The following PRSS23 variants were observed in gnomAD, a reference collection of about 807,000 sequenced individuals.
PRSS23 encodes protease, serine 23.
In PRSS23, 25 loss-of-function variants were observed where a neutral mutation model predicts 34.7. That is an observed-to-expected ratio of 0.72 (90% CI 0.53 to 1.01). The LOEUF (loss-of-function observed/expected upper bound fraction) is 1.01, where lower values mean the gene tolerates loss of function less well. PRSS23 is among the 50% of genes least tolerant of loss of function. The pLI is 0.00. For missense variants in PRSS23, 445 were observed against 475.6 expected, an observed-to-expected ratio of 0.94 and a Z score of 0.60; for synonymous variants, 176 against 186.6, an observed-to-expected ratio of 0.94 and a Z score of 0.46.
intron 2 of PRSS23, among the ~76,000 whole-genome samples, chr11:86,831,582 A>G (rs1948356178): frequency 6.6e-6 from 1 of 151,938 alleles, no homozygotes; most frequent in Non-Finnish European, 1.5e-5. Flanking sequence ...CTGTAATATT[A>G]TTCATAATAT....
At chr11:86,885,774 C>G in intron 2 of PRSS23, among the ~76,000 whole-genome samples, 1 of 152,212 alleles carries the variant, frequency 6.6e-6, no homozygotes, top group Admixed American at 6.5e-5. Context: ...TATAAATTCA[C>G]ACATCCTATC....
At chr11:86,824,383 A>ATAAATAAAATAAAT (rs1200369120) in intron 2 of PRSS23, among the ~76,000 whole-genome samples, 1 of 143,740 alleles carries the variant, frequency 7.0e-6, no homozygotes, top group Admixed American at 6.9e-5. Flanking sequence ...ATAAAATAAA[A>ATAAATAAAATAAAT]AAACAAAATG....
intron 2 of PRSS23, among the ~76,000 whole-genome samples, chr11:86,864,987 T>A (rs1445355650): frequency 6.6e-6 from 1 of 152,214 alleles, no homozygotes; most frequent in Non-Finnish European, 1.5e-5. Flanking sequence ...CATTTTGCCA[T>A]CTGAAAATGA....
At position 86,939,134 on chromosome 11, in the gene PRSS23, A is replaced by T. The variant is rs921417388; in HGVS notation, c.207-12082A>T. 15 of 392,418 alleles carry T rather than the reference A, an allele frequency of 3.8e-5. 1 individual carries two copies. In the Admixed American group the frequency reaches 4.7e-4, roughly 12 times the overall value. 24.3% of individuals were successfully genotyped at this position (392,418 alleles called of 1,614,324 possible). ...GAACATCGCCAGAAACACGTAAGGG[A>T]AACGTTTCCATGTCACTACTTCTCA... On this transcript the variant is annotated intron_variant, in intron 2 of 2. Transcript: ENST00000533902.
intron 2 of PRSS23, chr11:86,950,300 C>CGTGATTTAAGTGATTG: frequency 6.5e-6 from 1 of 152,806 alleles, no homozygotes; most frequent in South Asian, 2.1e-4. Flanking sequence ...TCTCATTTTC[C>CGTGATTTAAGTGATTG]TCTGAATTAA....
At chr11:86,811,809 A>G (rs1429785697), downstream of PRSS23, among the ~76,000 whole-genome samples, 1 of 152,150 alleles carries the variant, frequency 6.6e-6, no homozygotes, top group Non-Finnish European at 1.5e-5. Context: ...CTTGTTAAGA[A>G]TGACTAAGCC....
At chr11:86,952,165 G>T (rs368854863) in exon 3 of PRSS23, 1 of 1,612,166 alleles carries the variant, frequency 6.2e-7, no homozygotes, top group African/African-American at 1.3e-5. Context: ...CACAGTTCAG[G>T]CTCCTTTTCA....
At chr11:86,866,845 G>T (rs1412739405) in intron 2 of PRSS23, among the ~76,000 whole-genome samples, 2 of 149,430 alleles carry the variant, frequency 1.3e-5, no homozygotes, top group Non-Finnish European at 3.0e-5. Flanking sequence ...CTCTCACCAC[G>T]TGATCTCCAC....
chr11:86,891,346 C>G (rs140525621), intron 2 of PRSS23, among the ~76,000 whole-genome samples: 1 of 152,276 alleles, frequency 6.6e-6, no homozygotes, highest in African/African-American at 2.4e-5. Context: ...GTTTAAAGGT[C>G]CTGACTTAAA....
At chr11:86,934,285 T>C (rs1236169227) in intron 2 of PRSS23, 6 of 152,254 alleles carry the variant, frequency 3.9e-5, no homozygotes, top group Admixed American at 1.3e-4. Flanking sequence ...CTTGGATCGA[T>C]TCATTCTGAT....
chr11:86,885,388 T>C (rs1336933932), intron 2 of PRSS23, among the ~76,000 whole-genome samples: 1 of 152,264 alleles, frequency 6.6e-6, no homozygotes, highest in Non-Finnish European at 1.5e-5. Context: ...TATTCACTCC[T>C]ATGATGGTTA....
chr11:86,884,050 T>C (rs1479444375), intron 2 of PRSS23, among the ~76,000 whole-genome samples: 4 of 152,192 alleles, frequency 2.6e-5, no homozygotes, highest in African/African-American at 9.7e-5. Flanking sequence ...ATATCCCATA[T>C]CATTAATATT....
intron 2 of PRSS23, among the ~76,000 whole-genome samples, chr11:86,879,834 C>T (rs1590910007): frequency 7.9e-6 from 1 of 127,316 alleles, no homozygotes. Context: ...GGGGGTCAGC[C>T]CCCCGCCCGG....
intron 2 of PRSS23, among the ~76,000 whole-genome samples, chr11:86,890,730 T>C (rs1832237158): frequency 6.6e-6 from 1 of 152,220 alleles, no homozygotes; most frequent in African/African-American, 2.4e-5. Flanking sequence ...GAAAATGCTA[T>C]ATAAACTGCA....
At chr11:86,904,806 G>T (rs1948931678) in intron 2 of PRSS23, among the ~76,000 whole-genome samples, 1 of 151,952 alleles carries the variant, frequency 6.6e-6, no homozygotes, top group African/African-American at 2.4e-5. Flanking sequence ...CCAGAATCTT[G>T]GGAGTCTGAG....
At chr11:86,823,931 G>T (rs567272787) in intron 2 of PRSS23, among the ~76,000 whole-genome samples, 1 of 137,392 alleles carries the variant, frequency 7.3e-6, no homozygotes, top group Non-Finnish European at 1.5e-5. Context: ...GCGTGAACCC[G>T]GGAGGTGGAG....
rs1948250904 is a variant in PRSS23, at chr11:86,821,436, C to G, written c.-11-1941C>G. ...TTGCTCTTCAGAAGACATGCAGCAC[C>G]ATCAAGTATGTGTCTGGTATAGGCT... On this transcript the variant is annotated intron_variant, in intron 1 of 2. Coordinates refer to the PRSS23 transcript ENST00000533902. 4 of 1,559,224 alleles carry G rather than the reference C, an allele frequency of 2.6e-6. No individual in the cohort carries two copies. In the South Asian group the frequency reaches 4.5e-5, roughly 17 times the overall value.
chr11:86,836,827 C>T (rs1325535922), intron 2 of PRSS23: 1 of 152,186 alleles, frequency 6.6e-6, no homozygotes, highest in Non-Finnish European at 1.5e-5. Context: ...AGAGTTTGGA[C>T]ATATTTTGAG....
chr11:86,831,559 G>A (rs368455917), intron 2 of PRSS23, among the ~76,000 whole-genome samples: 18 of 149,304 alleles, frequency 1.2e-4, no homozygotes, highest in Non-Finnish European at 1.6e-4. Flanking sequence ...TAATATCACC[G>A]GGGCTCTACA....
Sources: gnomAD v4.1 joint callset for allele counts (sites outside exome capture counted in the v4.1 genomes callset) on GRCh38, gnomAD v4.1.1 for gene constraint, MANE v1.5 for transcripts, NCBI Gene and HGNC (gene_info 2026-07-23, HGNC 2026-07-21) for gene names.